The following KIF13A variants were observed in gnomAD, a reference collection of about 807,000 sequenced individuals.
KIF13A encodes the protein kinesin-like protein KIF13A.
KIF13A carries 79 observed loss-of-function variants against 212.2 expected under a neutral mutation model. That is an observed-to-expected ratio of 0.37 (90% confidence interval 0.31 to 0.45). The LOEUF (loss-of-function observed/expected upper bound fraction) is 0.45. Ranked by LOEUF, KIF13A falls within the 20% of genes least tolerant of loss-of-function variation. KIF13A has a pLI of 1.00. For synonymous variants in KIF13A, 789 were observed against 808.6 expected, an observed-to-expected ratio of 0.98 and a Z score of 0.41; for missense variants, 1,901 against 2,209.0, an observed-to-expected ratio of 0.86 and a Z score of 2.79.
chr6:17,903,866 G>A (rs568507980), intron 2 of KIF13A, among the ~76,000 whole-genome samples: 5 of 152,260 alleles, frequency 3.3e-5, no homozygotes, highest in South Asian at 2.1e-4. Flanking sequence ...GTTGCCAGGC[G>A]GCGTGGCTCA....
rs1764039039 is a variant in KIF13A, at chr6:17,817,325, G to T, written c.1787-92C>A. ...TGCAGCCTGTGGGAGGCTTCCTCTAGCAAGGAATCTAGCCAGTCAATACGC... is the reference window on the plus strand; with the variant it reads ...TGCAGCCTGTGGGAGGCTTCCTCTATCAAGGAATCTAGCCAGTCAATACGC... On this transcript the variant is annotated intron_variant, in intron 16 of 38. Coordinates refer to ENST00000259711, the MANE Select transcript of KIF13A (RefSeq NM_022113.6). 6.5e-6 allele frequency: 7 copies of T among 1,074,716 alleles called. No individual in the cohort carries two copies. In the South Asian group the frequency reaches 7.0e-5, roughly 11 times the overall value. 66.6% of individuals were successfully genotyped at this position (1,074,716 alleles called of 1,614,324 possible).
chr6:17,868,393 G>A (rs2150426852), intron 4 of KIF13A, among the ~76,000 whole-genome samples: 1 of 152,256 alleles, frequency 6.6e-6, no homozygotes, highest in East Asian at 1.9e-4. Flanking sequence ...CATTTACAAA[G>A]ACTGCTTTCA....
intron 2 of KIF13A, among the ~76,000 whole-genome samples, chr6:17,958,829 A>G (rs921832717): frequency 2.6e-5 from 4 of 151,204 alleles, no homozygotes; most frequent in African/African-American, 9.7e-5. Context: ...AAATCCAATT[A>G]TAAAACCATG....
At position 17,794,843 on chromosome 6, in the gene KIF13A, T is replaced by C; in HGVS notation, c.2943-139A>G. On this transcript the variant is annotated intron_variant, in intron 23 of 38. Transcript: ENST00000259711. This position sits in a 1 kb window ranked among gnomAD's most constrained non-coding sequence, Gnocchi z 4.1. ...ATCTTGTATAAGTTACTTCCTTATTTAACTCTCAAAACCAACCTGTCATAT... is the reference window on the plus strand; with the variant it reads ...ATCTTGTATAAGTTACTTCCTTATTCAACTCTCAAAACCAACCTGTCATAT... The C allele has an allele frequency of 1.1e-6, 1 of 880,056 alleles. No homozygotes were observed. The highest frequency in any genetic ancestry group is 2.0e-5 in the South Asian group (1 of 49,570). 54.5% of individuals were successfully genotyped at this position (880,056 alleles called of 1,614,324 possible).
At chr6:17,976,222 C>A (rs1005062660) in intron 2 of KIF13A, among the ~76,000 whole-genome samples, 14 of 152,234 alleles carry the variant, frequency 9.2e-5, no homozygotes, top group African/African-American at 2.7e-4. Flanking sequence ...TGGGACTGGG[C>A]GCGGTGGAGA....
At chr6:17,969,907 T>C (rs1239331881) in intron 2 of KIF13A, among the ~76,000 whole-genome samples, 2 of 151,812 alleles carry the variant, frequency 1.3e-5, no homozygotes, top group Non-Finnish European at 2.9e-5. Flanking sequence ...CCTAAATGCC[T>C]GTGTATTTAC....
chr6:17,806,517 G>A (rs12526840), intron 18 of KIF13A, among the ~76,000 whole-genome samples: 73,022 of 152,010 alleles, frequency 0.48, 17,657 homozygotes, highest in South Asian at 0.53. Flanking sequence ...GGAAGAAAAA[G>A]TGAATGGATG....
chr6:17,802,479 G>A (rs980999598), intron 20 of KIF13A, among the ~76,000 whole-genome samples: 10 of 151,874 alleles, frequency 6.6e-5, no homozygotes, highest in African/African-American at 2.2e-4. Context: ...TAGTAGAGAT[G>A]GGGTTTCTCC....
At position 17,794,683 on chromosome 6, in the gene KIF13A, T is replaced by A. The variant is rs755106049; in HGVS notation, c.2964A>T (p.Arg988Ser). 2 of 1,610,446 alleles carry A rather than the reference T, an allele frequency of 1.2e-6. No individual in the cohort carries two copies. Among genetic ancestry groups the A allele is most frequent in the African/African-American group, 2.7e-5 (2 of 74,734 alleles). ...CTAATATGGAGATCCACATTTCTAT[T>A]CTTCGCGTTACTTCATTCCACCTGC... ...LHDRWNEVTR[R>S]IEMWISILEL... Residue 988 changes from arginine (R) to serine (S), a missense_variant, in exon 24 of 39, where the codon AGA (arginine) becomes AGT (serine). Around this residue, in one of 5 missense-constraint regions of KIF13A, gnomAD observed 168 missense variants for 250.9 expected, o/e 0.67. Coordinates refer to ENST00000259711, the MANE Select transcript of KIF13A (RefSeq NM_022113.6). The surrounding 1 kb of genome is among the most constrained non-coding windows in gnomAD (Gnocchi z 4.1).
chr6:17,804,358 T>C lies in KIF13A; in HGVS notation c.2454+3A>G, dbSNP rs1427403948. The C allele has an allele frequency of 3.9e-6, 6 of 1,535,068 alleles. No homozygotes were observed. Among genetic ancestry groups the C allele is most frequent in the Non-Finnish European group, 1.8e-6 (2 of 1,137,358 alleles). ...TCGTTCTCCAAGGCTGGCCTGTGCT[T>C]ACCTCCCCCTGCTGGCTGATGATAG... On this transcript the variant is annotated splice_donor_region_variant and intron_variant, in intron 20 of 38. Transcript: ENST00000259711.
chr6:17,936,140 T>C (rs1776441111), intron 2 of KIF13A, among the ~76,000 whole-genome samples: 1 of 152,176 alleles, frequency 6.6e-6, no homozygotes. Flanking sequence ...CTCTCTTCAT[T>C]GCCCCTAACT....
chr6:17,816,954 AC>A lies in KIF13A; in HGVS notation c.2000+65del. 7.5e-7 allele frequency: 1 copy of A among 1,331,724 alleles called. No individual in the cohort carries two copies. Among genetic ancestry groups the A allele is most frequent in the South Asian group, 1.3e-5 (1 of 75,078 alleles). 82.5% of individuals were successfully genotyped at this position (1,331,724 alleles called of 1,614,324 possible). ...GGTTTGTCCCTGACATGTCTCAAAA[AC>A]CCCTCCCTCAAAGACCCACGGCCTT... On this transcript the variant is annotated intron_variant, in intron 17 of 38. Coordinates refer to ENST00000259711, the MANE Select transcript of KIF13A (RefSeq NM_022113.6). This position sits in a 1 kb window ranked among gnomAD's most constrained non-coding sequence, Gnocchi z 4.3.
chr6:17,889,321 C>CA (rs1357627811), intron 3 of KIF13A, among the ~76,000 whole-genome samples: 24 of 152,024 alleles, frequency 1.6e-4, no homozygotes, highest in Non-Finnish European at 3.1e-4. Flanking sequence ...ACAATTTTGC[C>CA]AAAAACTTAT....
chr6:17,798,068 T>A (rs567774991), intron 22 of KIF13A, among the ~76,000 whole-genome samples: 33 of 152,334 alleles, frequency 2.2e-4, no homozygotes, highest in African/African-American at 7.9e-4. Context: ...TGACTCTAAT[T>A]TGCAGAAACA....
At position 17,789,464 on chromosome 6, in the gene KIF13A, G is replaced by A. The variant is rs1354709279; in HGVS notation, c.3261+408C>T. Among the ~76,000 whole-genome samples the A allele has an allele frequency of 1.3e-5, 2 of 152,162 alleles. No individual in the cohort carries two copies. Among genetic ancestry groups the A allele is most frequent in the East Asian group, 3.9e-4 (2 of 5,194 alleles). The stretch of plus-strand genomic sequence containing the variant: ...GCACTTTAGCATGGGAAAGATAAGA[G>A]TCTATCTAAAAGATTATGGATGGAT... On this transcript the variant is annotated intron_variant, in intron 26 of 38. Coordinates refer to ENST00000259711, the MANE Select transcript of KIF13A (RefSeq NM_022113.6). This position sits in a 1 kb window ranked among gnomAD's most constrained non-coding sequence, Gnocchi z 4.8.
chr6:17,866,490 A>G (rs778023007), intron 4 of KIF13A, among the ~76,000 whole-genome samples: 6 of 152,038 alleles, frequency 3.9e-5, no homozygotes, highest in African/African-American at 1.2e-4. Flanking sequence ...ACATTTACCA[A>G]TGCTTTCAGT....
Position 17,952,029 on chromosome 6 carries a change from C to T in KIF13A, c.146+35025G>A, listed in dbSNP as rs533458188. 9.2e-5 allele frequency among the ~76,000 whole-genome samples: 14 copies of T among 152,114 alleles called. No individual in the cohort carries two copies. The South Asian group carries it at 2.5e-3, about 27-fold the overall frequency. ...TATTAAGAAACTATAGTTTGCCGGG[C>T]GTGGTGGCTCACGCCTGTAATCTCA... On this transcript the variant is annotated intron_variant, in intron 2 of 38. Transcript: ENST00000259711.
At chr6:17,975,359 C>G (rs1266680140) in intron 2 of KIF13A, among the ~76,000 whole-genome samples, 2 of 152,034 alleles carry the variant, frequency 1.3e-5, no homozygotes, top group African/African-American at 2.4e-5. Flanking sequence ...AATGAAGCTG[C>G]GGACCCTCAC....
Position 17,963,618 on chromosome 6 carries a change from G to C in KIF13A, c.146+23436C>G, listed in dbSNP as rs184808401. The stretch of plus-strand genomic sequence containing the variant: ...TGTCGCCTAGGCTGGAGTGCTGCGC[G>C]TGATCGCAGCTTACTGCAACCTCCG... On this transcript the variant is annotated intron_variant, in intron 2 of 38. Transcript: ENST00000259711. This position sits in a 1 kb window ranked among gnomAD's most constrained non-coding sequence, Gnocchi z 4.1. Among the ~76,000 whole-genome samples, 121 of 152,280 alleles carry C rather than the reference G, an allele frequency of 7.9e-4. No homozygotes were observed. The highest frequency in any genetic ancestry group is 7.8e-3 in the Admixed American group (119 of 15,304).
Sources: gnomAD v4.1 joint callset for allele counts (sites outside exome capture counted in the v4.1 genomes callset) on GRCh38, gnomAD v4.1.1 for gene constraint, gnomAD v4.1.1 regional missense constraint, Gnocchi (gnomAD v3.1) non-coding constraint, MANE v1.5 for transcripts, NCBI Gene and HGNC (gene_info 2026-07-23, HGNC 2026-07-21) for gene names.